The following TP53BP1 variants were observed in gnomAD, a reference collection of about 807,000 sequenced individuals.
TP53BP1 encodes the protein tumor protein p53 binding protein 1.
In TP53BP1, 61 loss-of-function variants were observed where a neutral mutation model predicts 200.8. The ratio of observed to expected loss-of-function variants is 0.30; its 90% CI spans 0.25 to 0.38. The LOEUF (loss-of-function observed/expected upper bound fraction) is 0.38, where lower values mean the gene tolerates loss of function less well. TP53BP1 is among the 10% of genes least tolerant of loss of function. The pLI, the probability that TP53BP1 is intolerant of heterozygous loss-of-function variation, is 1.00. For missense variants in TP53BP1, 2,144 were observed against 2,371.9 expected (o/e 0.90, Z 2.00); for synonymous variants, 822 against 844.3 (o/e 0.97, Z 0.46).
chr15:43,447,561 A>C, intron 12 of TP53BP1, 76 bp from the exon 13 acceptor site: 2 of 1,279,124 alleles, frequency 1.6e-6, no homozygotes, highest in Non-Finnish European at 2.1e-6. Flanking sequence ...AAATAAGCAA[A>C]AATAATAAGA....
At chr15:43,407,818 TTTC>T (rs1360206265) in intron 27 of TP53BP1, 122 bp downstream of exon 27, 2 of 1,056,636 alleles carry the variant, frequency 1.9e-6, no homozygotes, top group Middle Eastern at 2.2e-4. Flanking sequence ...AGGTGGTACT[TTTC>T]TTCTCTAAGA....
rs1024014598 is a variant in TP53BP1, at chr15:43,405,063, A to T, written c.*2320T>A. Reference sequence around the variant, plus strand: ...CTGCAAGCAGATTTTTTTCTAAGCTATTGTAGCAGAAGAGTCAAAAGAAAC... The same window carrying T: ...CTGCAAGCAGATTTTTTTCTAAGCTTTTGTAGCAGAAGAGTCAAAAGAAAC... On this transcript the variant is annotated 3_prime_UTR_variant, in exon 28 of 28. Transcript: ENST00000382044. The T allele has an allele frequency of 1.1e-6, 1 of 930,232 alleles. No individual in the cohort carries two copies. Among genetic ancestry groups the T allele is most frequent in the Non-Finnish European group, 1.6e-6 (1 of 607,802 alleles). 57.6% of individuals were successfully genotyped at this position (930,232 alleles called of 1,614,324 possible).
At chr15:43,455,550 T>C (rs2046272721) in intron 12 of TP53BP1, among the ~76,000 whole-genome samples, 1 of 152,000 alleles carries the variant, frequency 6.6e-6, no homozygotes, top group Non-Finnish European at 1.5e-5. Context: ...TGAAACCCCA[T>C]CTCTACTAAA....
intron 1 of TP53BP1, among the ~76,000 whole-genome samples, chr15:43,504,738 G>A (rs1169734464): frequency 2.0e-5 from 3 of 152,158 alleles, no homozygotes; most frequent in Non-Finnish European, 4.4e-5. Flanking sequence ...GGATATTTGC[G>A]GCCAGGCACG....
At chr15:43,412,617 G>A (rs1031260312) in intron 24 of TP53BP1, 5 of 466,452 alleles carry the variant, frequency 1.1e-5, no homozygotes, top group South Asian at 7.8e-5. Flanking sequence ...CAATCACCCT[G>A]AGGAACCAGG....
chr15:43,407,386 G>T lies in TP53BP1; in HGVS notation c.5931C>A (p.His1977Gln). 1 of 1,613,964 alleles carries T rather than the reference G, an allele frequency of 6.2e-7. No homozygotes were observed. Among genetic ancestry groups the T allele is most frequent in the South Asian group, 1.1e-5 (1 of 91,072 alleles). Reference sequence around the variant, plus strand: ...AAACCAGTAAGACCAAGTATCTTTAGTGAGAAACATAATCGTGTTTATATT... The same window carrying T: ...AAACCAGTAAGACCAAGTATCTTTATTGAGAAACATAATCGTGTTTATATT... The part of the protein sequence containing the change: ...HPKYKHDYVS[H>Q] The change falls in exon 28 of 28, where the codon CAC becomes CAA. Residue 1977 changes from histidine (H) to glutamine (Q), a missense_variant. His to Gln is a conservative substitution (Grantham distance 24, BLOSUM62 0). Transcript: ENST00000382044.
At chr15:43,414,004 GC>G in intron 23 of TP53BP1, 1 of 406,382 alleles carries the variant, frequency 2.5e-6, no homozygotes, top group Non-Finnish European at 5.1e-6. Context: ...GAACACCCAT[GC>G]CAAGAGTGCC....
At chr15:43,424,847 T>G (rs1417374940) in intron 18 of TP53BP1, among the ~76,000 whole-genome samples, 1 of 152,216 alleles carries the variant, frequency 6.6e-6, no homozygotes, top group Non-Finnish European at 1.5e-5. Flanking sequence ...TAATACCCAA[T>G]GTAACAGTAC....
chr15:43,490,577 C>G (rs1486966860), intron 4 of TP53BP1, among the ~76,000 whole-genome samples: 1 of 152,186 alleles, frequency 6.6e-6, no homozygotes. Flanking sequence ...CTCAAGCTAA[C>G]ATTCTCCTCT....
chr15:43,475,636 G>A lies in TP53BP1; in HGVS notation c.1014C>T (p.Ser338=), dbSNP rs1315762361. ...SREEGGCSLA[S]TPATTLHLLQ... is the part of the protein sequence containing the mutation. ...GGAGATGCAGAGTGGTGGCAGGAGT[G>A]GAAGCCAAAGAACACCCACCTTCCT... The change falls in exon 9 of 28, where the codon TCC becomes TCT. Residue 338 remains serine, a synonymous_variant. Transcript: ENST00000382044. 2 of 1,614,042 alleles carry A rather than the reference G, an allele frequency of 1.2e-6. No individual in the cohort carries two copies. Among genetic ancestry groups the A allele is most frequent in the East Asian group, 4.5e-5 (2 of 44,884 alleles).
chr15:43,408,342 G>A (rs112807119), intron 26 of TP53BP1: 1 of 369,960 alleles, frequency 2.7e-6, no homozygotes, highest in Non-Finnish European at 5.0e-6. Context: ...TTAGCTGGGT[G>A]TGGTGGCGAG....
At position 43,441,540 on chromosome 15, in the gene TP53BP1, A is replaced by G. The variant is rs746452356; in HGVS notation, c.3084T>C (p.Ala1028=). The G allele has an allele frequency of 1.2e-6, 2 of 1,613,018 alleles. No homozygotes were observed. The highest frequency in any genetic ancestry group is 2.2e-5 in the East Asian group (1 of 44,854). The part of the protein sequence containing the change: ...GERKNGSTAV[A]ESVASPQKTM... The stretch of plus-strand genomic sequence containing the variant: ...GCTTTGGTTACCTGGCAACAGACTC[A>G]GCAACAGCAGTAGATCCATTTTTTC... Residue 1028 remains alanine, a synonymous_variant, in exon 15 of 28, where the codon GCT becomes GCC. Coordinates refer to ENST00000382044, the MANE Select transcript of TP53BP1 (RefSeq NM_001141980.3).
chr15:43,453,330 T>C (rs1188149117), intron 12 of TP53BP1, among the ~76,000 whole-genome samples: 2 of 151,888 alleles, frequency 1.3e-5, no homozygotes. Context: ...TACTACAGAA[T>C]TTTAGGTTAT....
intron 4 of TP53BP1, among the ~76,000 whole-genome samples, chr15:43,485,080 T>C (rs1354775495): frequency 6.6e-6 from 1 of 152,208 alleles, no homozygotes. Flanking sequence ...GCAACCACTT[T>C]GTTGCTTCCT....
chr15:43,421,619 T>C (rs998065533), intron 19 of TP53BP1: 7 of 598,614 alleles, frequency 1.2e-5, no homozygotes, highest in South Asian at 1.1e-4. Context: ...TCCCCTCCCC[T>C]GTTACCTACA....
chr15:43,498,840 T>C (rs1000910432), intron 1 of TP53BP1, among the ~76,000 whole-genome samples: 2 of 152,112 alleles, frequency 1.3e-5, no homozygotes, highest in Admixed American at 1.3e-4. Flanking sequence ...TTATCCAAGA[T>C]TGGAGCTGGG....
chr15:43,433,213 G>A (rs1195241041), intron 16 of TP53BP1, among the ~76,000 whole-genome samples: 1 of 152,012 alleles, frequency 6.6e-6, no homozygotes, highest in Non-Finnish European at 1.5e-5. Flanking sequence ...GTAGATTCTA[G>A]TTTTGTCAGC....
At chr15:43,476,846 T>G (rs1456780320) in intron 8 of TP53BP1, among the ~76,000 whole-genome samples, 1 of 152,190 alleles carries the variant, frequency 6.6e-6, no homozygotes. Flanking sequence ...TGAAACAAAT[T>G]ATATCCTTTT....
exon 1 of TP53BP1, chr15:43,510,547 G>A (rs1461741413): frequency 6.1e-6 from 1 of 165,244 alleles, no homozygotes; most frequent in Non-Finnish European, 1.3e-5. Context: ...CGATAATACA[G>A]ACACACAGAC....
Sources: allele counts gnomAD v4.1 joint callset (sites outside exome capture counted in the v4.1 genomes callset), GRCh38; gene constraint gnomAD v4.1.1; transcripts MANE v1.5; gene names NCBI Gene and HGNC (gene_info 2026-07-23, HGNC 2026-07-21).